The following AHDC1 variants were observed in gnomAD, a reference collection of about 807,000 sequenced individuals.
AHDC1 encodes the protein AT-hook DNA binding motif containing 1.
A neutral mutation model predicts 87.9 loss-of-function variants in AHDC1; 7 were observed. That is an observed-to-expected ratio of 0.08 (90% CI 0.05 to 0.15). The LOEUF (loss-of-function observed/expected upper bound fraction) is 0.15. Among genes scored for constraint, AHDC1 ranks in the 10% least tolerant of loss-of-function variants. AHDC1 has a pLI of 1.00. For synonymous variants in AHDC1, 1,051 were observed against 1,006.8 expected, an observed-to-expected ratio of 1.04 and a Z score of -0.83; for missense variants, 1,841 against 2,253.2, an observed-to-expected ratio of 0.82 and a Z score of 3.70.
chr1:27,541,119 G>A (rs2018897446), intron 8 of AHDC1, among the ~76,000 whole-genome samples: 1 of 151,810 alleles, frequency 6.6e-6, no homozygotes, highest in Non-Finnish European at 1.5e-5. Flanking sequence ...GGGAGGGAGT[G>A]GGGCCAGAAA....
chr1:27,596,184 T>C (rs1278843157), intron 3 of AHDC1, among the ~76,000 whole-genome samples: 1 of 151,972 alleles, frequency 6.6e-6, no homozygotes, highest in Non-Finnish European at 1.5e-5. Context: ...TGCGGGGGTG[T>C]TGAGACAGGC....
At position 27,550,757 on chromosome 1, in the gene AHDC1, C is replaced by T. The variant is rs778360654; in HGVS notation, c.1359G>A (p.Pro453=). Residue 453 remains proline (P), a synonymous_variant, in exon 8 of 9, where the codon CCG becomes CCA. Transcript: ENST00000673934. ...AGACCACTGGGGTCTGGGAAGATTCCGGCTTCAACTCTGGGACTGAGACCG... is the reference window on the plus strand; with the variant it reads ...AGACCACTGGGGTCTGGGAAGATTCTGGCTTCAACTCTGGGACTGAGACCG... ...PGPVSVPELK[P]ESSQTPVVST... 57 of 1,576,912 alleles carry T rather than the reference C, an allele frequency of 3.6e-5. No individual in the cohort carries two copies. Among genetic ancestry groups the T allele is most frequent in the South Asian group, 2.9e-4 (25 of 87,142 alleles).
rs1203304403 is a variant in AHDC1 at position 27,547,908 on chromosome 1, G to A, written c.4208C>T (p.Ser1403Leu). 3 of 1,566,940 alleles carry A rather than the reference G, an allele frequency of 1.9e-6. No homozygotes were observed. Among genetic ancestry groups the A allele is most frequent in the African/African-American group, 1.3e-5 (1 of 74,096 alleles). The change falls in exon 8 of 9, where the codon TCG (serine) becomes TTG (leucine). Residue 1403 changes from serine (S) to leucine (L), a missense_variant. Physicochemically the swap from Ser to Leu is moderately radical, Grantham distance 145. Coordinates refer to ENST00000673934, the MANE Select transcript of AHDC1 (RefSeq NM_001371928.1). The surrounding 1 kb of genome is among the most constrained non-coding windows in gnomAD (Gnocchi z 4.9). ...CTCTTCCTTGAAGCCCAGTGTAGGCGAGCAGGTGGGCGAGTATGCCTTCTG... is the reference window on the plus strand; with the variant it reads ...CTCTTCCTTGAAGCCCAGTGTAGGCAAGCAGGTGGGCGAGTATGCCTTCTG... Reference protein sequence around the residue: ...GLQKAYSPTCSPTLGFKEELR... With the variant: ...GLQKAYSPTCLPTLGFKEELR...
In AHDC1 at chr1:27,550,021, C is replaced by T; in HGVS notation, c.2095G>A (p.Gly699Ser). Residue 699 changes from glycine (G) to serine (S), a missense_variant, in exon 8 of 9, where the codon GGC (glycine) becomes AGC (serine). By Grantham distance (56) the Gly-to-Ser change is moderately conservative. This residue lies in a region of AHDC1 where 236 missense variants were observed against 257.9 expected (regional missense o/e 0.92). Coordinates refer to ENST00000673934, the MANE Select transcript of AHDC1 (RefSeq NM_001371928.1). ...CSFSDFFEGI[G>S]KKKKVVAVAA... Reference sequence around the variant, plus strand: ...ACGGCCACCACCTTCTTTTTCTTGCCGATGCCCTCAAAGAAGTCACTGAAG... The same window carrying T: ...ACGGCCACCACCTTCTTTTTCTTGCTGATGCCCTCAAAGAAGTCACTGAAG... 2.5e-6 allele frequency: 4 copies of T among 1,598,592 alleles called. No homozygotes were observed. The highest frequency in any genetic ancestry group is 1.1e-5 in the South Asian group (1 of 90,094).
In AHDC1 at chr1:27,552,184, C is replaced by A; in HGVS notation, c.-69G>T. ...ACATGAGGGTGCGAGAAGCCGGGAC[C>A]AGGACCTGCCAGGCAGGAAGAGCAG... On this transcript the variant is annotated 5_prime_UTR_variant, in exon 8 of 9. Transcript: ENST00000673934. 3 of 1,424,968 alleles carry A rather than the reference C, an allele frequency of 2.1e-6. No homozygotes were observed. Among genetic ancestry groups the A allele is most frequent in the Non-Finnish European group, 1.8e-6 (2 of 1,093,016 alleles). 88.3% of individuals were successfully genotyped at this position (1,424,968 alleles called of 1,614,324 possible).
In AHDC1 at chr1:27,534,696, G is replaced by C. The variant is rs2018566347; in HGVS notation, c.*264C>G. 6.9e-6 allele frequency: 1 copy of C among 145,660 alleles called. No individual in the cohort carries two copies. The highest frequency in any genetic ancestry group is 1.5e-5 in the Non-Finnish European group (1 of 66,300). The allele number at this position is 145,660 out of a possible 1,614,324, so 9.0% of individuals were successfully genotyped here. A position where few individuals can be genotyped will look rare whatever the true frequency, so the allele number is the denominator to read the frequency against. Reference sequence around the variant, plus strand: ...TTGTCTTTTTCTAAAACTGTGTTTTGTTTTTAAGTTTTGTACATTTTTAAA... The same window carrying C: ...TTGTCTTTTTCTAAAACTGTGTTTTCTTTTTAAGTTTTGTACATTTTTAAA... On this transcript the variant is annotated 3_prime_UTR_variant, in exon 9 of 9. Coordinates refer to ENST00000673934, the MANE Select transcript of AHDC1 (RefSeq NM_001371928.1).
intron 3 of AHDC1, among the ~76,000 whole-genome samples, chr1:27,569,035 C>G (rs1210403670): frequency 7.1e-6 from 1 of 140,678 alleles, no homozygotes; most frequent in Admixed American, 7.0e-5. Context: ...CTGCCCTGAA[C>G]CCCCCCGCCC....
chr1:27,572,513 A>ACGTC (rs995956903), intron 3 of AHDC1, among the ~76,000 whole-genome samples: 3 of 152,256 alleles, frequency 2.0e-5, no homozygotes, highest in Admixed American at 1.3e-4. Flanking sequence ...GGACAGCTAC[A>ACGTC]CGTCCGTACC....
rs2020006118 is a variant in AHDC1, at chr1:27,560,188, TTTC to T, written c.-628-1308_-628-1306del. The stretch of plus-strand genomic sequence containing the variant: ...TGGGTATGTGCACTTTTCACGTTTA[TTTC>T]TATTCGTTTTGTGTGTGTGTGTGTG... On this transcript the variant is annotated intron_variant, in intron 3 of 8. Coordinates refer to ENST00000673934, the MANE Select transcript of AHDC1 (RefSeq NM_001371928.1). The surrounding 1 kb of genome is among the most constrained non-coding windows in gnomAD (Gnocchi z 4.1). Among the ~76,000 whole-genome samples, 1 of 114,694 alleles carries T rather than the reference TTTC, an allele frequency of 8.7e-6. No individual in the cohort carries two copies. Among genetic ancestry groups the T allele is most frequent in the Non-Finnish European group, 1.8e-5 (1 of 56,660 alleles). The allele number at this position is 114,694 out of a possible 152,430, so 75.2% of individuals were successfully genotyped here.
Position 27,547,704 on chromosome 1 carries a change from C to A in AHDC1, c.4412G>T (p.Gly1471Val), listed in dbSNP as rs781336573. The stretch of plus-strand genomic sequence containing the variant: ...ATAGGGCGGGCTGCGGGCAGCTGAG[C>A]CTGGAGGGTACCAATAGGCTGTGCC... Reference protein sequence around the residue: ...CKGTAYWYPPGSAARSPPYEG... With the variant: ...CKGTAYWYPPVSAARSPPYEG... Residue 1471 changes from glycine to valine, a missense_variant, in exon 8 of 9, where the codon GGC becomes GTC. By Grantham distance (109) the Gly-to-Val change is moderately radical. This residue lies in a region of AHDC1 where 505 missense variants were observed against 626.2 expected (regional missense o/e 0.81). Coordinates refer to ENST00000673934, the MANE Select transcript of AHDC1 (RefSeq NM_001371928.1). The surrounding 1 kb of genome is among the most constrained non-coding windows in gnomAD (Gnocchi z 4.9). 13 of 1,596,440 alleles carry A rather than the reference C, an allele frequency of 8.1e-6. No homozygotes were observed. The East Asian group carries it at 2.7e-4, about 33-fold the overall frequency.
At position 27,550,022 on chromosome 1, in the gene AHDC1, G is replaced by A. The variant is rs369784752; in HGVS notation, c.2094C>T (p.Ile698=). Residue 698 remains isoleucine, a synonymous_variant, in exon 8 of 9, where the codon ATC becomes ATT. Coordinates refer to ENST00000673934, the MANE Select transcript of AHDC1 (RefSeq NM_001371928.1). ...CGGCCACCACCTTCTTTTTCTTGCC[G>A]ATGCCCTCAAAGAAGTCACTGAAGG... ...RCSFSDFFEG[I]GKKKKVVAVA... 14 of 1,598,444 alleles carry A rather than the reference G, an allele frequency of 8.8e-6. No homozygotes were observed. Among genetic ancestry groups the A allele is most frequent in the Admixed American group, 3.4e-5 (2 of 58,878 alleles).
chr1:27,549,380 C>T lies in AHDC1; in HGVS notation c.2736G>A (p.Gln912=). 6.2e-7 allele frequency: 1 copy of T among 1,613,082 alleles called. No homozygotes were observed. Residue 912 remains glutamine (Q), a synonymous_variant, in exon 8 of 9, where the codon CAG becomes CAA. Transcript: ENST00000673934. ...AGGTCTGGCGCGCGGACAGGACAGGCTGAAAGGAGGGGTCCGCCCCAGCCC... is the reference window on the plus strand; with the variant it reads ...AGGTCTGGCGCGCGGACAGGACAGGTTGAAAGGAGGGGTCCGCCCCAGCCC... ...SSGAGADPSF[Q]PVLSARQTFP...
intron 8 of AHDC1, among the ~76,000 whole-genome samples, chr1:27,540,864 T>C (rs1184186659): frequency 6.6e-6 from 1 of 151,574 alleles, no homozygotes; most frequent in Non-Finnish European, 1.5e-5. Flanking sequence ...CTTGATTTTA[T>C]AGGCAAGGAA....
At chr1:27,596,178 G>A (rs1228358336) in intron 3 of AHDC1, among the ~76,000 whole-genome samples, 1 of 152,054 alleles carries the variant, frequency 6.6e-6, no homozygotes, top group Non-Finnish European at 1.5e-5. Flanking sequence ...TGCCTGTGCG[G>A]GGGTGTTGAG....
rs747550510 is a variant in AHDC1, at chr1:27,547,367, G to A, written c.4749C>T (p.Ser1583=). Residue 1583 remains serine, a synonymous_variant, in exon 8 of 9, where the codon AGC becomes AGT. Transcript: ENST00000673934. This position sits in a 1 kb window ranked among gnomAD's most constrained non-coding sequence, Gnocchi z 4.9. ...GTTCCGCCATGGGCCCCAGGAAGCC[G>A]CTCTTGGGGCCCCCACCCAGGCCAG... ...AHPGLGGGPK[S]GFLGPMAEPH... 1.0e-5 allele frequency: 16 copies of A among 1,554,038 alleles called. No homozygotes were observed. The highest frequency in any genetic ancestry group is 1.7e-4 in the Middle Eastern group (1 of 5,780).
chr1:27,601,048 T>C (rs978612781), intron 3 of AHDC1, among the ~76,000 whole-genome samples: 3 of 152,076 alleles, frequency 2.0e-5, no homozygotes, highest in African/African-American at 7.2e-5. Context: ...CCAGCAACAA[T>C]AATAAACAGC....
At chr1:27,572,401 C>T (rs1294410526) in intron 3 of AHDC1, among the ~76,000 whole-genome samples, 1 of 152,116 alleles carries the variant, frequency 6.6e-6, no homozygotes, top group Non-Finnish European at 1.5e-5. Context: ...GGCCAGGATT[C>T]ACTCACAGCC....
intron 8 of AHDC1, among the ~76,000 whole-genome samples, chr1:27,546,049 G>A (rs1394432807): frequency 1.3e-5 from 2 of 152,194 alleles, no homozygotes; most frequent in Admixed American, 1.3e-4. Context: ...GGCCTTGAAT[G>A]GCCTCCCAGA....
At chr1:27,541,910 G>A (rs192567361) in intron 8 of AHDC1, among the ~76,000 whole-genome samples, 1 of 152,344 alleles carries the variant, frequency 6.6e-6, no homozygotes, top group East Asian at 1.9e-4. Context: ...GATTACAGGC[G>A]TGAGCCACCG....
Sources: gnomAD v4.1 joint callset for allele counts (sites outside exome capture counted in the v4.1 genomes callset) on GRCh38, gnomAD v4.1.1 for gene constraint, gnomAD v4.1.1 regional missense constraint, Gnocchi (gnomAD v3.1) non-coding constraint, MANE v1.5 for transcripts, NCBI Gene and HGNC (gene_info 2026-07-23, HGNC 2026-07-21) for gene names.